Variants in SIN3A observed in about 807,000 individuals in gnomAD.
SIN3A encodes the protein paired amphipathic helix protein Sin3a.
Under a neutral mutation model 146.1 loss-of-function variants are expected in SIN3A, and 14 were observed. That is an observed-to-expected ratio of 0.10 (90% CI 0.06 to 0.15). SIN3A has a LOEUF of 0.15. SIN3A is among the 10% of genes least tolerant of loss of function. The pLI is 1.00. For synonymous variants in SIN3A, 572 were observed against 572.0 expected (o/e 1.00, Z 0.00); for missense variants, 1,028 against 1,576.0 (o/e 0.65, Z 5.89).
intron 1 of SIN3A, chr15:75,436,392 G>C (rs1182317744): frequency 6.6e-6 from 1 of 152,142 alleles, no homozygotes; most frequent in African/African-American, 2.4e-5. Flanking sequence ...GATCATGTGA[G>C]TCCAGGAGAC....
chr15:75,390,765 T>G (rs1027545705), intron 15 of SIN3A, among the ~76,000 whole-genome samples: 1 of 152,190 alleles, frequency 6.6e-6, no homozygotes, highest in Non-Finnish European at 1.5e-5. Context: ...TTTGTAGAGA[T>G]GGGGTCTCAC....
At chr15:75,400,433 T>G (rs781150335) in intron 11 of SIN3A, among the ~76,000 whole-genome samples, 2 of 152,008 alleles carry the variant, frequency 1.3e-5, no homozygotes, top group African/African-American at 2.4e-5. Context: ...ACTTTTATTT[T>G]TATATTTTTA....
At chr15:75,402,281 G>A (rs2073426112) in intron 9 of SIN3A, among the ~76,000 whole-genome samples, 1 of 152,194 alleles carries the variant, frequency 6.6e-6, no homozygotes, top group Non-Finnish European at 1.5e-5. Context: ...GGAGGCCAAG[G>A]TGGGTGGATC....
intron 9 of SIN3A, among the ~76,000 whole-genome samples, chr15:75,403,545 CT>C (rs1187541579): frequency 9.8e-4 from 141 of 143,768 alleles, no homozygotes; most frequent in Non-Finnish European, 8.9e-4. Context: ...GCCTCTTTTT[CT>C]TTTTTTTTTT....
chr15:75,384,695 G>C (rs551700592), intron 16 of SIN3A, among the ~76,000 whole-genome samples: 31 of 152,226 alleles, frequency 2.0e-4, no homozygotes, highest in African/African-American at 7.5e-4. Context: ...AAGAACCATA[G>C]AGAACTCAGG....
intron 1 of SIN3A, chr15:75,446,153 T>C (rs1301811496): frequency 6.6e-6 from 1 of 152,056 alleles, no homozygotes; most frequent in Admixed American, 6.6e-5. Flanking sequence ...TTTAGAATAG[T>C]AGGCAGTGAC....
In SIN3A at chr15:75,370,196, G is replaced by C. The variant is rs938675301; in HGVS notation, c.*1783C>G. On this transcript the variant is annotated 3_prime_UTR_variant, in exon 21 of 21. Coordinates refer to ENST00000394947, the MANE Select transcript of SIN3A (RefSeq NM_001145358.2). ...AAGCCTGCAGTGAGCTATGATCGTG[G>C]CACTGCACTCCAGTGTGGGTCATAA... 6.6e-6 allele frequency: 1 copy of C among 152,324 alleles called. No homozygotes were observed. Among genetic ancestry groups the C allele is most frequent in the Non-Finnish European group, 1.5e-5 (1 of 68,062 alleles). 9.4% of individuals were successfully genotyped at this position (152,324 alleles called of 1,614,324 possible).
At chr15:75,391,445 G>C (rs2073196972) in intron 15 of SIN3A, among the ~76,000 whole-genome samples, 1 of 151,272 alleles carries the variant, frequency 6.6e-6, no homozygotes. Context: ...AGTGTCATTA[G>C]CTCCTCAACA....
chr15:75,403,935 T>C (rs1402589374), intron 9 of SIN3A, among the ~76,000 whole-genome samples: 1 of 152,236 alleles, frequency 6.6e-6, no homozygotes, highest in Non-Finnish European at 1.5e-5. Flanking sequence ...CTTAAGATAG[T>C]TCTGTCCTCT....
intron 3 of SIN3A, among the ~76,000 whole-genome samples, chr15:75,417,444 C>T (rs1488668085): frequency 1.3e-5 from 2 of 150,748 alleles, no homozygotes; most frequent in Admixed American, 6.6e-5. Context: ...GGCGCAATCT[C>T]GGGTCACTGC....
rs181898815 is a variant in SIN3A at position 75,384,243 on chromosome 15, G to A, written c.3195+21C>T. On this transcript the variant is annotated intron_variant, in intron 17 of 20. Coordinates refer to ENST00000394947, the MANE Select transcript of SIN3A (RefSeq NM_001145358.2). ...TGACATTGTCACCAGCAAGGTCTTC[G>A]ACTACCTGACCAACTCTCACCTTAA... 20 of 1,580,920 alleles carry A rather than the reference G, an allele frequency of 1.3e-5. No homozygotes were observed. The Middle Eastern group carries it at 8.5e-4, about 67-fold the overall frequency.
intron 8 of SIN3A, among the ~76,000 whole-genome samples, chr15:75,407,766 G>A (rs926691501): frequency 3.3e-5 from 5 of 151,284 alleles, no homozygotes; most frequent in South Asian, 4.2e-4. Flanking sequence ...GGTAGTGTGC[G>A]CCTATGGTCC....
At chr15:75,422,491 A>G in intron 3 of SIN3A, 156 bp downstream of exon 3, 2 of 832,998 alleles carry the variant, frequency 2.4e-6, no homozygotes. Context: ...CAAGATAGGA[A>G]ACATAAGCAA....
chr15:75,383,075 CA>C (rs1025051166), intron 17 of SIN3A, among the ~76,000 whole-genome samples: 3 of 150,506 alleles, frequency 2.0e-5, no homozygotes, highest in Non-Finnish European at 3.0e-5. Context: ...ACAACCTGGA[CA>C]ACCTGGACAA....
At chr15:75,434,015 G>A (rs2074059345) in intron 1 of SIN3A, among the ~76,000 whole-genome samples, 4 of 152,192 alleles carry the variant, frequency 2.6e-5, no homozygotes, top group South Asian at 4.1e-4. Flanking sequence ...GCCCAAGGTT[G>A]CACAGCTAGT....
intron 15 of SIN3A, 28 bp downstream of exon 15, chr15:75,392,214 T>A (rs2141424504): frequency 6.3e-7 from 1 of 1,596,452 alleles, no homozygotes; most frequent in South Asian, 1.1e-5. Flanking sequence ...TCACACATCC[T>A]CTGTAAATCA....
intron 2 of SIN3A, among the ~76,000 whole-genome samples, chr15:75,427,815 C>G (rs2073951136): frequency 6.6e-6 from 1 of 150,554 alleles, no homozygotes; most frequent in Admixed American, 6.6e-5. Flanking sequence ...ACTAAAAACA[C>G]AAAAAATTAG....
In SIN3A at chr15:75,372,146, T is replaced by C. The variant is rs1159648804; in HGVS notation, c.3655A>G (p.Lys1219Glu). 3 of 1,614,078 alleles carry C rather than the reference T, an allele frequency of 1.9e-6. No homozygotes were observed. Among genetic ancestry groups the C allele is most frequent in the African/African-American group, 2.7e-5 (2 of 74,922 alleles). The change falls in exon 21 of 21, where the codon AAG (lysine) becomes GAG (glutamate). Residue 1219 changes from lysine to glutamate, a missense_variant. Coordinates refer to ENST00000394947, the MANE Select transcript of SIN3A (RefSeq NM_001145358.2). ...RFQAWVDKWT[K>E]EHVPREMAAE... is the part of the protein sequence containing the mutation. ...GCCATTTCACGGGGCACATGCTCCTTGGTCCATTTATCTACCCAGGCCTGG... is the reference window on the plus strand; with the variant it reads ...GCCATTTCACGGGGCACATGCTCCTCGGTCCATTTATCTACCCAGGCCTGG...
chr15:75,401,823 A>C lies in SIN3A; in HGVS notation c.1526+29T>G. ...ACATTACCTGGTCTCCATATCATGC[A>C]TCAGGGCTAAGCCCCTCACTTCACT... On this transcript the variant is annotated intron_variant, in intron 10 of 20. Coordinates refer to ENST00000394947, the MANE Select transcript of SIN3A (RefSeq NM_001145358.2). The C allele has an allele frequency of 2.3e-6, 3 of 1,318,066 alleles. No individual in the cohort carries two copies. In the African/African-American group the frequency reaches 4.4e-5, roughly 19 times the overall value. 81.6% of individuals were successfully genotyped at this position (1,318,066 alleles called of 1,614,324 possible).
Sources: gnomAD v4.1 joint callset for allele counts (sites outside exome capture counted in the v4.1 genomes callset) on GRCh38, gnomAD v4.1.1 for gene constraint, MANE v1.5 for transcripts, NCBI Gene and HGNC (gene_info 2026-07-23, HGNC 2026-07-21) for gene names.